C7orf78: variants seen among roughly 807,000 people sequenced by gnomAD.
The protein encoded by C7orf78 is chromosome 7 open reading frame 78, also known as putative uncharacterized protein C7orf78.
chr7:12,497,476 GAGA>G, the C7orf78 span, among the ~76,000 whole-genome samples: 1 of 51,792 alleles, frequency 1.9e-5, no homozygotes, highest in Non-Finnish European at 4.1e-5. Flanking sequence ...ACGGCACCTG[GAGA>G]ATCGGGAAAA....
At chr7:12,501,516 A>C in the C7orf78 span, among the ~76,000 whole-genome samples, 1 of 150,610 alleles carries the variant, frequency 6.6e-6, no homozygotes, top group South Asian at 2.1e-4. Flanking sequence ...TAGGAATCCA[A>C]CTTACAAGGG....
the C7orf78 span, among the ~76,000 whole-genome samples, chr7:12,494,209 T>C: frequency 7.2e-5 from 11 of 152,146 alleles, no homozygotes; most frequent in African/African-American, 2.7e-4. Flanking sequence ...GAAGGCAATA[T>C]TGACCATTTT....
At chr7:12,523,253 G>C in the C7orf78 span, 1 of 398,184 alleles carries the variant, frequency 2.5e-6, no homozygotes, top group South Asian at 1.3e-4. Context: ...CAGTTTTCCA[G>C]AAACAATGCT....
chr7:12,483,666 G>C, the C7orf78 span: 6 of 146,720 alleles, frequency 4.1e-5, no homozygotes, highest in Admixed American at 4.2e-4. Flanking sequence ...TCAGCAGTTC[G>C]AGACCAGCCT....
chr7:12,522,837 A>G, the C7orf78 span: 2 of 395,372 alleles, frequency 5.1e-6, no homozygotes, highest in South Asian at 1.4e-4. Context: ...CTTCTCCTCC[A>G]TACATATTCC....
At chr7:12,517,808 T>C in the C7orf78 span, among the ~76,000 whole-genome samples, 1 of 152,180 alleles carries the variant, frequency 6.6e-6, no homozygotes, top group Non-Finnish European at 1.5e-5. Context: ...TTCTTTGTAT[T>C]GTTTTTCAGC....
At chr7:12,495,022 T>C in the C7orf78 span, among the ~76,000 whole-genome samples, 19 of 152,296 alleles carry the variant, frequency 1.2e-4, no homozygotes, top group African/African-American at 4.6e-4. Flanking sequence ...GTTCTGCCCG[T>C]CTTCTCCCAT....
chr7:12,528,735 A>G, the C7orf78 span, among the ~76,000 whole-genome samples: 1 of 152,246 alleles, frequency 6.6e-6, no homozygotes, highest in Non-Finnish European at 1.5e-5. Flanking sequence ...TAACTCCAGC[A>G]GGACTGGCAG....
chr7:12,522,430 T>C, the C7orf78 span, among the ~76,000 whole-genome samples: 1 of 152,068 alleles, frequency 6.6e-6, no homozygotes, highest in African/African-American at 2.4e-5. Flanking sequence ...ATAGCAGTAA[T>C]TACAATGTAC....
At chr7:12,538,242 A>G in the C7orf78 span, 2 of 152,196 alleles carry the variant, frequency 1.3e-5, no homozygotes, top group Admixed American at 6.5e-5. Flanking sequence ...TTCATTCTAA[A>G]TTAACATTCT....
chr7:12,498,165 A>G, the C7orf78 span, among the ~76,000 whole-genome samples: 2 of 152,140 alleles, frequency 1.3e-5, no homozygotes, highest in South Asian at 4.1e-4. Context: ...GAAACTCTAA[A>G]AAGCAGAGCG....
the C7orf78 span, among the ~76,000 whole-genome samples, chr7:12,540,000 A>C: frequency 6.6e-6 from 1 of 152,312 alleles, no homozygotes; most frequent in East Asian, 1.9e-4. Flanking sequence ...TTCAAGCTTT[A>C]AGAACAGAAA....
At chr7:12,509,903 G>C in the C7orf78 span, among the ~76,000 whole-genome samples, 2 of 151,840 alleles carry the variant, frequency 1.3e-5, no homozygotes, top group Non-Finnish European at 2.9e-5. Flanking sequence ...GCGTGGTGGC[G>C]GGTGCCTGTA....
the C7orf78 span, among the ~76,000 whole-genome samples, chr7:12,529,858 A>C: frequency 6.6e-6 from 1 of 152,348 alleles, no homozygotes; most frequent in South Asian, 2.1e-4. Context: ...CTCCTCGCGA[A>C]GCAGGACTAC....
At chr7:12,510,841 G>C in the C7orf78 span, among the ~76,000 whole-genome samples, 1 of 152,198 alleles carries the variant, frequency 6.6e-6, no homozygotes, top group Admixed American at 6.5e-5. Flanking sequence ...CTATTCTGTA[G>C]ATTATCCCAT....
At chr7:12,527,225 C>T in the C7orf78 span, among the ~76,000 whole-genome samples, 16 of 65,786 alleles carry the variant, frequency 2.4e-4, no homozygotes, top group South Asian at 9.6e-4. Flanking sequence ...GAAAATGCCA[C>T]CTAGCTGTGT....
the C7orf78 span, chr7:12,528,878 T>C: frequency 2.5e-6 from 1 of 398,302 alleles, no homozygotes; most frequent in Non-Finnish European, 4.4e-6. Context: ...TTGCTAAGCC[T>C]CTCATTTGTC....
the C7orf78 span, among the ~76,000 whole-genome samples, chr7:12,505,111 G>GT: frequency 5.9e-5 from 9 of 151,856 alleles, 1 homozygote; most frequent in Admixed American, 5.2e-4. Context: ...TCAAAAGAAT[G>GT]TTTTTTGTAT....
At chr7:12,483,878 C>CAAAAAAAAAAAAAA in the C7orf78 span, 3 of 116,946 alleles carry the variant, frequency 2.6e-5, no homozygotes, top group Non-Finnish European at 3.5e-5. Context: ...AACTCCATCT[C>CAAAAAAAAAAAAAA]AAAAAAAAAA....
Sources: allele counts gnomAD v4.1 joint callset (sites outside exome capture counted in the v4.1 genomes callset), GRCh38; gene constraint gnomAD v4.1.1; transcripts MANE v1.5; gene names NCBI Gene and HGNC (gene_info 2026-07-23, HGNC 2026-07-21).